SYNE1: variants seen among roughly 807,000 people sequenced by gnomAD.
The protein encoded by SYNE1 is nesprin-1.
SYNE1 carries 616 observed loss-of-function variants against 1,111.0 expected under a neutral mutation model. That is an observed-to-expected ratio of 0.55 (90% CI 0.52 to 0.59). The LOEUF is 0.59. Ranked by LOEUF, SYNE1 falls within the 20% of genes least tolerant of loss-of-function variation. The probability of loss-of-function intolerance (pLI) is 0.00; values close to 1 mark genes in which losing one functional copy is unlikely to be tolerated. For missense variants in SYNE1, 10,006 were observed against 10,417.0 expected (o/e 0.96, Z 1.72); for synonymous variants, 3,855 against 3,825.8 (o/e 1.01, Z -0.28).
intron 18 of SYNE1, chr6:152,464,999 C>T (rs1358564979): frequency 3.9e-6 from 2 of 511,746 alleles, no homozygotes; most frequent in African/African-American, 3.9e-5. Flanking sequence ...CCTAGACACT[C>T]CCCTTCATAG....
At chr6:152,192,684 G>A (rs1185881081) in intron 127 of SYNE1, among the ~76,000 whole-genome samples, 3 of 151,612 alleles carry the variant, frequency 2.0e-5, no homozygotes, top group Non-Finnish European at 4.4e-5. Flanking sequence ...ATGTTGACCA[G>A]GCTGTTCTCA....
chr6:152,333,919 C>T, intron 77 of SYNE1, 89 bp downstream of exon 77: 1 of 1,570,138 alleles, frequency 6.4e-7, no homozygotes, highest in South Asian at 1.1e-5. Context: ...AGGCATCAGC[C>T]ACTGCACCTG....
intron 131 of SYNE1, 38 bp from the exon 132 acceptor site, chr6:152,156,135 A>G: frequency 6.2e-7 from 1 of 1,610,500 alleles, no homozygotes; most frequent in Middle Eastern, 1.7e-4. Flanking sequence ...CAACAATTAC[A>G]TGTATACAGA....
In SYNE1 at chr6:152,201,946, A is replaced by G; in HGVS notation, c.23023T>C (p.Trp7675Arg). The change falls in exon 127 of 146, where the codon TGG (tryptophan) becomes CGG (arginine). Residue 7675 changes from tryptophan (W) to arginine (R), a missense_variant. Physicochemically the swap from Trp to Arg is moderately radical, Grantham distance 101. Around this residue, in one of 7 missense-constraint regions of SYNE1, gnomAD observed 2,182 missense variants for 2,287.8 expected, o/e 0.95. Transcript: ENST00000367255. ...GCTATTCCTTTCTCACATTTTTCCC[A>G]GTCCTATCATGGGAATAAAAACAAA... ...KKKLAFLLKD[W>R]EKCEKGIADS... The G allele has an allele frequency of 6.2e-7, 1 of 1,613,936 alleles. No homozygotes were observed. Among genetic ancestry groups the G allele is most frequent in the Non-Finnish European group, 8.5e-7 (1 of 1,179,882 alleles).
intron 3 of SYNE1, among the ~76,000 whole-genome samples, chr6:152,613,799 T>C (rs200130614): frequency 2.2e-5 from 3 of 134,144 alleles, no homozygotes; most frequent in East Asian, 2.6e-4. Context: ...TATAGAGCAA[T>C]GGAACAGAAC....
intron 14 of SYNE1, among the ~76,000 whole-genome samples, chr6:152,479,562 T>C (rs951087385): frequency 1.3e-5 from 2 of 152,190 alleles, no homozygotes; most frequent in African/African-American, 4.8e-5. Flanking sequence ...ACTTAACCTC[T>C]CTCTGCCTAC....
In SYNE1 at chr6:152,444,596, A is replaced by C; in HGVS notation, c.3670-18T>G. On this transcript the variant is annotated intron_variant, in intron 29 of 145. Coordinates refer to ENST00000367255, the MANE Select transcript of SYNE1 (RefSeq NM_182961.4). The stretch of plus-strand genomic sequence containing the variant: ...TTTTCAACCTATATTTTCATGAAAA[A>C]AAAAAACACGTAAATCATATGCTAC... The C allele has an allele frequency of 6.2e-7, 1 of 1,602,928 alleles. No individual in the cohort carries two copies. The highest frequency in any genetic ancestry group is 8.5e-7 in the Non-Finnish European group (1 of 1,176,834).
In SYNE1 at chr6:152,441,157, A is replaced by T. The variant is rs888117191; in HGVS notation, c.4122T>A (p.Ser1374Arg). ...TTGTTTGTTCCAGTTCTGAAGATAA[A>T]CTTTCCAAACTGCTAAAACTCAAGA... is the stretch of plus-strand genomic sequence containing the variant. Reference protein sequence around the residue: ...ERFLSFSSLESLSSELEQTKE... With the variant: ...ERFLSFSSLERLSSELEQTKE... Residue 1374 changes from serine (S) to arginine (R), a missense_variant, in exon 32 of 146, where the codon AGT becomes AGA. By Grantham distance (110) the Ser-to-Arg change is moderately radical. Around this residue, in one of 7 missense-constraint regions of SYNE1, gnomAD observed 1,971 missense variants for 2,084.1 expected, o/e 0.95. Coordinates refer to ENST00000367255, the MANE Select transcript of SYNE1 (RefSeq NM_182961.4). 2 of 1,613,568 alleles carry T rather than the reference A, an allele frequency of 1.2e-6. No homozygotes were observed. The highest frequency in any genetic ancestry group is 2.7e-5 in the African/African-American group (2 of 74,898).
intron 4 of SYNE1, among the ~76,000 whole-genome samples, chr6:152,528,387 A>G (rs1175699287): frequency 1.3e-5 from 2 of 152,210 alleles, no homozygotes; most frequent in East Asian, 3.8e-4. Context: ...AAAAATTAGT[A>G]ATTACTGGAC....
At chr6:152,229,348 C>T (rs4142055) in intron 115 of SYNE1, among the ~76,000 whole-genome samples, 97,464 of 151,960 alleles carry the variant, frequency 0.64, 31,677 homozygotes, top group East Asian at 0.78. Context: ...TTCTTTTGGG[C>T]ACACAAGAAG....
chr6:152,538,781 T>C (rs1302222316), intron 4 of SYNE1, among the ~76,000 whole-genome samples: 1 of 152,140 alleles, frequency 6.6e-6, no homozygotes, highest in East Asian at 1.9e-4. Flanking sequence ...GTGGGGCAAC[T>C]ACTGGGCCAA....
chr6:152,617,778 G>T (rs1282395207), intron 3 of SYNE1, among the ~76,000 whole-genome samples: 1 of 152,160 alleles, frequency 6.6e-6, no homozygotes, highest in Non-Finnish European at 1.5e-5. Context: ...CACTCTGGCT[G>T]GTGGTATTAG....
At chr6:152,348,137 A>G (rs1215760607) in intron 72 of SYNE1, among the ~76,000 whole-genome samples, 1 of 152,210 alleles carries the variant, frequency 6.6e-6, no homozygotes, top group Non-Finnish European at 1.5e-5. Context: ...TGAAAATAGC[A>G]TTTAAACTTA....
intron 102 of SYNE1, among the ~76,000 whole-genome samples, chr6:152,256,247 C>T (rs1027981121): frequency 4.0e-5 from 6 of 150,984 alleles, no homozygotes; most frequent in Admixed American, 1.3e-4. Flanking sequence ...GGTGAAACCC[C>T]GTCTTCACTA....
rs1401462863 is a variant in SYNE1 at position 152,385,669 on chromosome 6, C to T, written c.8652+5G>A. ...TGTAGATATAGCATCTGTTCATTTC[C>T]TGACCTTAATTTTTGATAACTTTTT... On this transcript the variant is annotated splice_donor_5th_base_variant and intron_variant, in intron 55 of 145. Coordinates refer to ENST00000367255, the MANE Select transcript of SYNE1 (RefSeq NM_182961.4). 2.5e-6 allele frequency: 4 copies of T among 1,613,950 alleles called. No homozygotes were observed. The highest frequency in any genetic ancestry group is 3.4e-6 in the Non-Finnish European group (4 of 1,179,940).
Position 152,391,441 on chromosome 6 carries a change from C to T in SYNE1, c.7840G>A (p.Glu2614Lys). 6.2e-7 allele frequency: 1 copy of T among 1,614,028 alleles called. No individual in the cohort carries two copies. Among genetic ancestry groups the T allele is most frequent in the Non-Finnish European group, 8.5e-7 (1 of 1,179,986 alleles). Residue 2614 changes from glutamate (E) to lysine (K), a missense_variant, in exon 52 of 146, where the codon GAG becomes AAG. Glu to Lys is a moderately conservative substitution (Grantham distance 56). Transcript: ENST00000367255. ...GCCACCTGGCAGCTCCGGAGTTTCTCTTTGGTCATTCTAAGTAGGTTCTGG... is the reference window on the plus strand; with the variant it reads ...GCCACCTGGCAGCTCCGGAGTTTCTTTTTGGTCATTCTAAGTAGGTTCTGG... ...SHQNLLRMTK[E>K]KLRSCQVALQ...
At position 152,358,512 on chromosome 6, in the gene SYNE1, A is replaced by T. The variant is rs765879613; in HGVS notation, c.10469T>A (p.Leu3490His). The change falls in exon 66 of 146, where the codon CTT becomes CAT. Residue 3490 changes from leucine to histidine, a missense_variant. Physicochemically the swap from Leu to His is moderately conservative, Grantham distance 99. Coordinates refer to ENST00000367255, the MANE Select transcript of SYNE1 (RefSeq NM_182961.4). ...AKEAVTKSEK[L>H]VRLHQEYQRD... ...CTGATACTCTTGGTGCAGGCGGACAAGTTTTTCAGACTTGGTTACGGCTTC... is the reference window on the plus strand; with the variant it reads ...CTGATACTCTTGGTGCAGGCGGACATGTTTTTCAGACTTGGTTACGGCTTC... The T allele has an allele frequency of 6.2e-7, 1 of 1,614,194 alleles. No individual in the cohort carries two copies. Among genetic ancestry groups the T allele is most frequent in the South Asian group, 1.1e-5 (1 of 91,088 alleles).
chr6:152,507,703 T>G (rs999390199), intron 8 of SYNE1, among the ~76,000 whole-genome samples: 8 of 152,180 alleles, frequency 5.3e-5, no homozygotes, highest in African/African-American at 1.9e-4. Flanking sequence ...ATGCATATAT[T>G]TATTTATTTT....
intron 113 of SYNE1, 38 bp downstream of exon 113, chr6:152,232,078 G>A: frequency 6.9e-7 from 1 of 1,449,064 alleles, no homozygotes; most frequent in African/African-American, 1.4e-5. Context: ...AAAATGGTCT[G>A]AAAATATGAA....
Sources: allele counts gnomAD v4.1 joint callset (sites outside exome capture counted in the v4.1 genomes callset), GRCh38; gene constraint gnomAD v4.1.1; regional missense constraint gnomAD v4.1.1; transcripts MANE v1.5; gene names NCBI Gene and HGNC (gene_info 2026-07-23, HGNC 2026-07-21).